RABEP1: variants seen among roughly 807,000 people sequenced by gnomAD.
RABEP1 encodes the protein rabaptin, RAB GTPase binding effector protein 1, also known as rab GTPase-binding effector protein 1.
A neutral mutation model predicts 123.4 loss-of-function variants in RABEP1; 51 were observed. That is an observed-to-expected ratio of 0.41 (90% confidence interval 0.33 to 0.52). The LOEUF is 0.52. RABEP1 is among the 20% of genes least tolerant of loss of function. The pLI is 0.16. For synonymous variants in RABEP1, 347 were observed against 355.2 expected (o/e 0.98, Z 0.26); for missense variants, 888 against 996.3 (o/e 0.89, Z 1.46).
intron 7 of RABEP1, among the ~76,000 whole-genome samples, chr17:5,351,080 T>C (rs958406204): frequency 2.0e-5 from 3 of 152,140 alleles, no homozygotes; most frequent in Non-Finnish European, 4.4e-5. Flanking sequence ...CGTCAGTGTA[T>C]TTTGTGTGTA....
chr17:5,378,345 G>C, intron 15 of RABEP1, 113 bp downstream of exon 15: 1 of 1,052,622 alleles, frequency 9.5e-7, no homozygotes, highest in Non-Finnish European at 1.5e-6. Flanking sequence ...CTGCCTTAAG[G>C]AACTTTTGTC....
chr17:5,367,422 C>A (rs889922574), intron 11 of RABEP1, among the ~76,000 whole-genome samples: 41 of 151,826 alleles, frequency 2.7e-4, no homozygotes, highest in African/African-American at 8.5e-4. Flanking sequence ...CAGGCACCCG[C>A]CACCACGCCC....
At chr17:5,338,850 C>T (rs979488435) in intron 5 of RABEP1, among the ~76,000 whole-genome samples, 14 of 152,056 alleles carry the variant, frequency 9.2e-5, no homozygotes, top group Non-Finnish European at 1.8e-4. Flanking sequence ...CATAAAGACA[C>T]AGCAAAAGAA....
intron 1 of RABEP1, among the ~76,000 whole-genome samples, chr17:5,302,244 A>ATTTTTTTTTTTTTTTTTTTTT (rs57770310): frequency 3.4e-5 from 4 of 118,406 alleles, no homozygotes; most frequent in African/African-American, 7.3e-5. Context: ...TACTGAAAAC[A>ATTTTTTTTTTTTTTTTTTTTT]TTTTTTTTTT....
At chr17:5,366,645 G>A (rs1305935106) in intron 11 of RABEP1, among the ~76,000 whole-genome samples, 3 of 151,596 alleles carry the variant, frequency 2.0e-5, no homozygotes, top group Non-Finnish European at 2.9e-5. Context: ...GGGGTTTCAC[G>A]TTGTTGGCCA....
At chr17:5,342,111 T>G (rs1469785518) in intron 5 of RABEP1, among the ~76,000 whole-genome samples, 1 of 152,196 alleles carries the variant, frequency 6.6e-6, no homozygotes, top group East Asian at 1.9e-4. Context: ...AATTTGAAAG[T>G]TGTTCAAACA....
In RABEP1 at chr17:5,323,716, ATCTAGGAATATATATATATC is replaced by A. The variant is rs1905630815; in HGVS notation, c.164-8231_164-8212del. 2.1e-5 allele frequency among the ~76,000 whole-genome samples: 2 copies of A among 95,992 alleles called. 1 individual carries two copies. Among genetic ancestry groups the A allele is most frequent in the African/African-American group, 1.0e-4 (2 of 19,226 alleles). 63.0% of individuals were successfully genotyped at this position (95,992 alleles called of 152,430 possible). ...TCTCTCTCTAGGAATATATATATAT[ATCTAGGAATATATATATATC>A]TAGGAATATATATATATCTAGGAAT... On this transcript the variant is annotated intron_variant, in intron 2 of 17. Coordinates refer to ENST00000537505, the MANE Select transcript of RABEP1 (RefSeq NM_004703.6).
Position 5,298,658 on chromosome 17 carries a change from T to C in RABEP1, c.35-10036T>C, listed in dbSNP as rs867440112. ...GTATAACTCCCACCTCCTCCAGGAT[T>C]TTTTTTTTTTTTTTTGAGACGGAGT... On this transcript the variant is annotated intron_variant, in intron 1 of 17. Coordinates refer to ENST00000537505, the MANE Select transcript of RABEP1 (RefSeq NM_004703.6). Among the ~76,000 whole-genome samples the C allele has an allele frequency of 2.6e-3, 68 of 26,426 alleles. 1 individual carries two copies. In the African/African-American group the frequency reaches 0.028, roughly 11 times the overall value. 17.3% of individuals were successfully genotyped at this position (26,426 alleles called of 152,430 possible). A position where few individuals can be genotyped will look rare whatever the true frequency, so the allele number is the denominator to read the frequency against.
chr17:5,380,741 C>G (rs560254244), intron 16 of RABEP1, among the ~76,000 whole-genome samples: 1 of 152,360 alleles, frequency 6.6e-6, no homozygotes, highest in East Asian at 1.9e-4. Flanking sequence ...GTTAGAAGCA[C>G]TGCTTTGAAA....
At chr17:5,344,275 T>G (rs1469842360) in intron 5 of RABEP1, among the ~76,000 whole-genome samples, 1 of 151,876 alleles carries the variant, frequency 6.6e-6, no homozygotes, top group Admixed American at 6.6e-5. Flanking sequence ...CTGTCTCTAC[T>G]AAAAATACAA....
intron 3 of RABEP1, among the ~76,000 whole-genome samples, chr17:5,334,241 C>CT (rs1479363555): frequency 4.7e-5 from 7 of 150,350 alleles, no homozygotes; most frequent in South Asian, 2.1e-4. Flanking sequence ...CTTTCCTTCT[C>CT]TTTTTTTTGA....
intron 12 of RABEP1, chr17:5,371,532 T>C (rs1485525902): frequency 1.3e-5 from 2 of 152,218 alleles, no homozygotes; most frequent in Non-Finnish European, 1.5e-5. Context: ...GGTGGTGGGA[T>C]ACTAAGATTT....
intron 10 of RABEP1, among the ~76,000 whole-genome samples, chr17:5,363,890 A>G (rs889976281): frequency 2.6e-5 from 4 of 152,244 alleles, no homozygotes; most frequent in Admixed American, 6.5e-5. Flanking sequence ...CCTTGATAGC[A>G]GTTAGGAAAT....
chr17:5,353,260 C>T (rs1372190852), intron 7 of RABEP1, among the ~76,000 whole-genome samples: 2 of 152,188 alleles, frequency 1.3e-5, no homozygotes, highest in Non-Finnish European at 2.9e-5. Flanking sequence ...TCTTCTCATG[C>T]AACTGGCAAA....
intron 8 of RABEP1, 108 bp from the exon 9 acceptor site, chr17:5,361,100 A>G (rs970609256): frequency 1.0e-6 from 1 of 961,002 alleles, no homozygotes; most frequent in Non-Finnish European, 1.5e-6. Flanking sequence ...AAGGTAGCAC[A>G]TTAATGATTA....
intron 1 of RABEP1, among the ~76,000 whole-genome samples, chr17:5,294,733 T>C (rs1197481652): frequency 1.5e-5 from 2 of 136,384 alleles, no homozygotes; most frequent in African/African-American, 5.3e-5. Context: ...CTGCAAGCTC[T>C]GCCTCCTGGG....
rs190745247 is a variant in RABEP1, at chr17:5,292,782, G to C, written c.34+10262G>C. ...TTGCAATCTCTGCTTTCCGGGCTCA[G>C]GTGATCCTCTCACCTCAGCCTCTGG... On this transcript the variant is annotated intron_variant, in intron 1 of 17. Transcript: ENST00000537505. Among the ~76,000 whole-genome samples the C allele has an allele frequency of 4.7e-4, 72 of 152,176 alleles. 1 individual carries two copies. Among genetic ancestry groups the C allele is most frequent in the African/African-American group, 1.7e-3 (71 of 41,520 alleles).
In RABEP1 at chr17:5,294,633, C is replaced by CTTTTTTTTTT. The variant is rs1185209680; in HGVS notation, c.34+12136_34+12145dup. Among the ~76,000 whole-genome samples the CTTTTTTTTTT allele has an allele frequency of 3.5e-3, 187 of 53,020 alleles. 53 individuals are homozygous for CTTTTTTTTTT. The highest frequency in any genetic ancestry group is 4.7e-3 in the Non-Finnish European group (137 of 29,084). 34.8% of individuals were successfully genotyped at this position (53,020 alleles called of 152,430 possible). A position where few individuals can be genotyped will look rare whatever the true frequency, so the allele number is the denominator to read the frequency against. Reference sequence around the variant, plus strand: ...AGATACTGAGGGAAAACGGTATTGTCTTTTTTTTTTTTTTTTTTTTTTTTT... The same window carrying CTTTTTTTTTT: ...AGATACTGAGGGAAAACGGTATTGTCTTTTTTTTTTTTTTTTTTTTTTTTTTTTTTTTTTT... On this transcript the variant is annotated intron_variant, in intron 1 of 17. Transcript: ENST00000537505.
intron 1 of RABEP1, among the ~76,000 whole-genome samples, chr17:5,299,383 T>G (rs1247296316): frequency 1.3e-5 from 2 of 151,858 alleles, no homozygotes; most frequent in Non-Finnish European, 2.9e-5. Context: ...TAGCAGGTTT[T>G]TTTTTTTTTT....
Sources: gnomAD v4.1 joint callset for allele counts (sites outside exome capture counted in the v4.1 genomes callset) on GRCh38, gnomAD v4.1.1 for gene constraint, MANE v1.5 for transcripts, NCBI Gene and HGNC (gene_info 2026-07-23, HGNC 2026-07-21) for gene names.